The following NCALD variants were observed in gnomAD, a reference collection of about 807,000 sequenced individuals.
NCALD encodes neurocalcin-delta.
NCALD carries 10 observed loss-of-function variants against 18.6 expected under a neutral mutation model. The ratio of observed to expected loss-of-function variants is 0.54; its 90% CI spans 0.33 to 0.91. NCALD has a LOEUF of 0.91. Among genes scored for constraint, NCALD ranks in the 40% least tolerant of loss-of-function variants. NCALD has a pLI of 0.03. For synonymous variants in NCALD, 88 were observed against 87.4 expected, an observed-to-expected ratio of 1.01 and a Z score of -0.04; for missense variants, 184 against 247.6, an observed-to-expected ratio of 0.74 and a Z score of 1.72.
At chr8:101,692,964 A>C in intron 2 of NCALD, 68 bp from the exon 3 acceptor site, 2 of 1,155,436 alleles carry the variant, frequency 1.7e-6, no homozygotes, top group Non-Finnish European at 2.6e-6. Flanking sequence ...CTATCATTAA[A>C]CCTCCCAAAT....
intron 2 of NCALD, among the ~76,000 whole-genome samples, chr8:101,925,260 T>A (rs1818295357): frequency 6.6e-6 from 1 of 151,718 alleles, no homozygotes; most frequent in Non-Finnish European, 1.5e-5. Context: ...TGCAGAAAAA[T>A]ACAGACATCT....
chr8:101,901,346 C>T (rs1817414174), intron 3 of NCALD, among the ~76,000 whole-genome samples: 1 of 151,072 alleles, frequency 6.6e-6, no homozygotes, highest in South Asian at 2.1e-4. Flanking sequence ...TATATTTTCG[C>T]CACTTGTAGT....
intron 1 of NCALD, among the ~76,000 whole-genome samples, chr8:101,744,465 GA>G (rs1335240594): frequency 2.0e-5 from 3 of 152,226 alleles, no homozygotes; most frequent in African/African-American, 7.2e-5. Context: ...AAGTAACGGA[GA>G]AGTCTCCATC....
intron 4 of NCALD, among the ~76,000 whole-genome samples, chr8:101,869,506 G>T (rs1815916458): frequency 6.6e-6 from 1 of 152,176 alleles, no homozygotes; most frequent in East Asian, 1.9e-4. Context: ...AAATTGGCAT[G>T]GTTTTAGGCC....
At chr8:101,751,465 C>T (rs1186287584) in intron 1 of NCALD, among the ~76,000 whole-genome samples, 1 of 152,016 alleles carries the variant, frequency 6.6e-6, no homozygotes, top group East Asian at 1.9e-4. Context: ...ATACTTAATG[C>T]CACTGAATTG....
At chr8:102,028,069 T>C (rs74346728) in intron 1 of NCALD, among the ~76,000 whole-genome samples, 4,328 of 152,320 alleles carry the variant, frequency 0.028, 108 homozygotes, top group East Asian at 0.098. Context: ...TTTGAGATGA[T>C]TCTGTGAAAT....
Position 102,106,464 on chromosome 8 carries a change from T to TAC in NCALD, c.-210+17772_-210+17773insGT, listed in dbSNP as rs58274998. Among the ~76,000 whole-genome samples the TAC allele has an allele frequency of 6.5e-3, 903 of 138,590 alleles. 4 individuals are homozygous for TAC. Among genetic ancestry groups the TAC allele is most frequent in the East Asian group, 0.02 (94 of 4,772 alleles). 90.9% of individuals were successfully genotyped at this position (138,590 alleles called of 152,430 possible). A position where few individuals can be genotyped will look rare whatever the true frequency, so the allele number is the denominator to read the frequency against. ...CATATAGTATATATATATATATATA[T>TAC]ATACACACACACACACACACACACA... is the stretch of plus-strand genomic sequence containing the variant. On this transcript the variant is annotated intron_variant, in intron 1 of 6. Coordinates refer to the NCALD transcript ENST00000311028.
At chr8:101,819,231 T>A (rs1813619668) in intron 4 of NCALD, among the ~76,000 whole-genome samples, 1 of 151,562 alleles carries the variant, frequency 6.6e-6, no homozygotes, top group Non-Finnish European at 1.5e-5. Context: ...CAGCACTACA[T>A]CACATATATT....
At chr8:101,952,434 T>C (rs554474830) in intron 2 of NCALD, among the ~76,000 whole-genome samples, 3 of 152,360 alleles carry the variant, frequency 2.0e-5, no homozygotes, top group Admixed American at 1.3e-4. Flanking sequence ...GAACCCCACT[T>C]CCTCTTACCC....
At chr8:101,745,181 G>C (rs1035302303) in intron 1 of NCALD, among the ~76,000 whole-genome samples, 8 of 152,084 alleles carry the variant, frequency 5.3e-5, no homozygotes, top group Admixed American at 3.9e-4. Context: ...CTCCACCATT[G>C]ATTCAGAATA....
At chr8:101,719,686 C>G in intron 1 of NCALD, 38 bp from the exon 2 acceptor site, 1 of 1,504,878 alleles carries the variant, frequency 6.6e-7, no homozygotes, top group Non-Finnish European at 8.9e-7. Context: ...ATTTGTAGAG[C>G]TGCTCTTTAG....
chr8:101,820,076 GTTAGATATT>G (rs917790513), intron 4 of NCALD, among the ~76,000 whole-genome samples: 1 of 152,206 alleles, frequency 6.6e-6, no homozygotes, highest in African/African-American at 2.4e-5. Context: ...AACTCTGAGG[GTTAGATATT>G]TTAATTTGTT....
chr8:101,872,133 C>A, intron 4 of NCALD: 1 of 1,605,732 alleles, frequency 6.2e-7, no homozygotes. Flanking sequence ...CAGGAAACTT[C>A]CTGGCAAGTC....
At chr8:101,948,265 A>G (rs1586807553) in intron 2 of NCALD, among the ~76,000 whole-genome samples, 1 of 152,222 alleles carries the variant, frequency 6.6e-6, no homozygotes, top group East Asian at 1.9e-4. Flanking sequence ...TGAGCTATTT[A>G]GGTGACCAAG....
chr8:101,776,057 T>G (rs1811778439), intron 1 of NCALD, among the ~76,000 whole-genome samples: 1 of 152,208 alleles, frequency 6.6e-6, no homozygotes. Context: ...AGGAGTGAGA[T>G]CCTTGGGAAC....
intron 1 of NCALD, among the ~76,000 whole-genome samples, chr8:101,768,958 C>G (rs1811469380): frequency 6.6e-6 from 1 of 152,020 alleles, no homozygotes; most frequent in Non-Finnish European, 1.5e-5. Context: ...CTGGATTATT[C>G]AGGTGTGTCC....
At chr8:101,779,757 C>A (rs1811940253) in intron 1 of NCALD, among the ~76,000 whole-genome samples, 1 of 152,112 alleles carries the variant, frequency 6.6e-6, no homozygotes, top group Non-Finnish European at 1.5e-5. Context: ...GTTTGATTAT[C>A]TGCAGTCTTT....
intron 2 of NCALD, among the ~76,000 whole-genome samples, chr8:101,948,759 G>A (rs1586808488): frequency 6.6e-6 from 1 of 152,156 alleles, no homozygotes. Flanking sequence ...CAGGGCGGAG[G>A]TTACCCTGAA....
At chr8:101,973,763 G>C (rs1296535213) in intron 2 of NCALD, among the ~76,000 whole-genome samples, 2 of 152,146 alleles carry the variant, frequency 1.3e-5, no homozygotes, top group East Asian at 1.9e-4. Flanking sequence ...TAACGTTGCA[G>C]AGCACCTAGG....
Sources: allele counts gnomAD v4.1 joint callset (sites outside exome capture counted in the v4.1 genomes callset), GRCh38; gene constraint gnomAD v4.1.1; transcripts MANE v1.5; gene names NCBI Gene and HGNC (gene_info 2026-07-23, HGNC 2026-07-21).